The following PCDHGA1 variants were observed in gnomAD, a reference collection of about 807,000 sequenced individuals.
PCDHGA1 encodes protocadherin gamma subfamily A, 1, also known as protocadherin gamma-A1.
A neutral mutation model predicts 58.0 loss-of-function variants in PCDHGA1; 32 were observed. That is an observed-to-expected ratio of 0.55 (90% CI 0.42 to 0.74). The LOEUF is 0.74. PCDHGA1 is among the 30% of genes least tolerant of loss of function. The pLI is 0.00. For missense variants in PCDHGA1, 1,205 were observed against 1,182.3 expected (o/e 1.02, Z -0.28); for synonymous variants, 498 against 501.1 (o/e 0.99, Z 0.08).
At chr5:141,414,231 C>T (rs2095722548) in intron 1 of PCDHGA1, 1 of 1,613,304 alleles carries the variant, frequency 6.2e-7, no homozygotes, top group South Asian at 1.1e-5. Flanking sequence ...CAGAGCTGAC[C>T]ATCACGTCTC....
chr5:141,350,304 T>A, intron 1 of PCDHGA1: 1 of 1,521,476 alleles, frequency 6.6e-7, no homozygotes, highest in Non-Finnish European at 8.8e-7. Flanking sequence ...AGTCAGGTAC[T>A]GTTTCCCTTC....
chr5:141,346,503 G>A lies in PCDHGA1; in HGVS notation c.2421+13398G>A, dbSNP rs1757762785. The A allele has an allele frequency of 1.9e-6, 3 of 1,610,358 alleles. No homozygotes were observed. The South Asian group carries it at 3.3e-5, about 18-fold the overall frequency. ...GATTATTAAGAACAAATATGAGAAT[G>A]TGGTTATTATAAAGCTTTAACACAT... is the stretch of plus-strand genomic sequence containing the variant. On this transcript the variant is annotated intron_variant, in intron 1 of 3. Coordinates refer to ENST00000517417, the MANE Select transcript of PCDHGA1 (RefSeq NM_018912.3).
At chr5:141,358,065 C>T (rs1461000215) in intron 1 of PCDHGA1, among the ~76,000 whole-genome samples, 5 of 152,092 alleles carry the variant, frequency 3.3e-5, no homozygotes, top group African/African-American at 1.2e-4. Flanking sequence ...TGGTGTGTGC[C>T]CGTAGTCCCA....
chr5:141,362,073 G>A (rs1762314491), intron 1 of PCDHGA1: 2 of 1,612,872 alleles, frequency 1.2e-6, no homozygotes, highest in Non-Finnish European at 8.5e-7. Context: ...TGGTCGCTGT[G>A]CGTGATGGAG....
rs1423639578 is a variant in PCDHGA1, at chr5:141,383,107, G to T, written c.2421+50002G>T. The T allele has an allele frequency of 3.1e-6, 5 of 1,613,914 alleles. No individual in the cohort carries two copies. In the East Asian group the frequency reaches 6.7e-5, roughly 22 times the overall value. Reference sequence around the variant, plus strand: ...GCGCGGAGTCCGCATCATCTCCAGAGGTAGGACGCAGCTTTTCGCCCTGAA... The same window carrying T: ...GCGCGGAGTCCGCATCATCTCCAGATGTAGGACGCAGCTTTTCGCCCTGAA... On this transcript the variant is annotated intron_variant, in intron 1 of 3. Coordinates refer to ENST00000517417, the MANE Select transcript of PCDHGA1 (RefSeq NM_018912.3).
chr5:141,400,368 C>T lies in PCDHGA1; in HGVS notation c.2421+67263C>T. On this transcript the variant is annotated intron_variant, in intron 1 of 3. Coordinates refer to ENST00000517417, the MANE Select transcript of PCDHGA1 (RefSeq NM_018912.3). ...ACAGTCAGGGGACTTTGCCTTATTC[C>T]TACAACCTATGTGTTGCACATACAG... is the stretch of plus-strand genomic sequence containing the variant. 8.1e-6 allele frequency: 13 copies of T among 1,614,044 alleles called. No homozygotes were observed. The highest frequency in any genetic ancestry group is 1.6e-4 in the Middle Eastern group (1 of 6,062).
At chr5:141,441,655 C>A in intron 1 of PCDHGA1, 1 of 247,430 alleles carries the variant, frequency 4.0e-6, no homozygotes. Context: ...TTCTAGGTGT[C>A]CTTGAGCGCA....
Position 141,477,312 on chromosome 5 carries a change from TTACTTC to T in PCDHGA1, c.2422-17493_2422-17488del, listed in dbSNP as rs773034406. Reference sequence around the variant, plus strand: ...GTTCCACCGGGTCTCCCTTTCAGCCTTACTTCTTCCCTCAAGAATTACTTCACTTTG... The same window carrying T: ...GTTCCACCGGGTCTCCCTTTCAGCCTTTCCCTCAAGAATTACTTCACTTTG... On this transcript the variant is annotated intron_variant, in intron 1 of 3. Coordinates refer to ENST00000517417, the MANE Select transcript of PCDHGA1 (RefSeq NM_018912.3). The surrounding 1 kb of genome is among the most constrained non-coding windows in gnomAD (Gnocchi z 4.9). The T allele has an allele frequency of 2.5e-6, 4 of 1,614,162 alleles. No homozygotes were observed. Among genetic ancestry groups the T allele is most frequent in the Non-Finnish European group, 3.4e-6 (4 of 1,180,032 alleles).
intron 3 of PCDHGA1, among the ~76,000 whole-genome samples, chr5:141,509,419 T>C (rs2154594533): frequency 6.6e-6 from 1 of 152,216 alleles, no homozygotes; most frequent in South Asian, 2.1e-4. Flanking sequence ...CGAGCCCCAA[T>C]GAGTCAAACT....
At chr5:141,439,531 G>A (rs1474855779) in intron 1 of PCDHGA1, among the ~76,000 whole-genome samples, 5 of 152,126 alleles carry the variant, frequency 3.3e-5, no homozygotes, top group Admixed American at 3.3e-4. Flanking sequence ...TCTACAGAAC[G>A]CTGTCCTCTC....
intron 2 of PCDHGA1, among the ~76,000 whole-genome samples, chr5:141,503,340 T>A (rs1394172617): frequency 6.6e-6 from 1 of 152,064 alleles, no homozygotes; most frequent in African/African-American, 2.4e-5. Flanking sequence ...CTCACGCCTG[T>A]AATTCCAGCA....
At chr5:141,419,542 G>C (rs771168003) in intron 1 of PCDHGA1, 3 of 1,612,016 alleles carry the variant, frequency 1.9e-6, no homozygotes, top group South Asian at 2.2e-5. Flanking sequence ...ACGCACCGCG[G>C]GTGCTGTACC....
intron 1 of PCDHGA1, chr5:141,357,069 A>G (rs777295000): frequency 3.1e-6 from 5 of 1,613,964 alleles, no homozygotes; most frequent in Non-Finnish European, 4.2e-6. Context: ...GGCTGCACAC[A>G]GGCGAGGTGC....
rs780502910 is a variant in PCDHGA1, at chr5:141,351,486, AG to A, written c.2421+18382del. 4 of 1,613,982 alleles carry A rather than the reference AG, an allele frequency of 2.5e-6. No homozygotes were observed. The South Asian group carries it at 4.4e-5, about 18-fold the overall frequency. ...GTGATTGCTGGAGCCCTAAACCGGG[AG>A]CAGACAGCAGACTACAACGTCACAA... On this transcript the variant is annotated intron_variant, in intron 1 of 3. Coordinates refer to ENST00000517417, the MANE Select transcript of PCDHGA1 (RefSeq NM_018912.3).
intron 1 of PCDHGA1, chr5:141,413,386 GTC>G: frequency 6.2e-7 from 1 of 1,614,002 alleles, no homozygotes; most frequent in Non-Finnish European, 8.5e-7. Context: ...AGTCCGCATA[GTC>G]TCCAGAGGTA....
At position 141,431,338 on chromosome 5, in the gene PCDHGA1, A is replaced by G; in HGVS notation, c.2422-63469A>G. On this transcript the variant is annotated intron_variant, in intron 1 of 3. Transcript: ENST00000517417. This position sits in a 1 kb window ranked among gnomAD's most constrained non-coding sequence, Gnocchi z 4.8. ...GAGCCGACGGTAGTAAGTACCCCGA[A>G]TTGGTGCTGAAACGCGCCCTGGACC... 1 of 1,614,068 alleles carries G rather than the reference A, an allele frequency of 6.2e-7. No homozygotes were observed. The highest frequency in any genetic ancestry group is 8.5e-7 in the Non-Finnish European group (1 of 1,180,032).
At position 141,345,668 on chromosome 5, in the gene PCDHGA1, C is replaced by T. The variant is rs894732912; in HGVS notation, c.2421+12563C>T. On this transcript the variant is annotated intron_variant, in intron 1 of 3. Transcript: ENST00000517417. ...GCGGGAACCCTCCACTCAGCAGCAA[C>T]GTGTCGCTGAACCTGTTCGTGCTGG... The T allele has an allele frequency of 3.7e-6, 6 of 1,614,210 alleles. No homozygotes were observed. In the South Asian group the frequency reaches 5.5e-5, roughly 15 times the overall value.
chr5:141,418,586 A>C lies in PCDHGA1; in HGVS notation c.2422-76221A>C, dbSNP rs1422171892. ...TGCCAATGACAACCCCCCAGTGTTC[A>C]GCCAGGACGTGTACAGGGTTAGCCT... On this transcript the variant is annotated intron_variant, in intron 1 of 3. Transcript: ENST00000517417. The C allele has an allele frequency of 1.9e-6, 3 of 1,613,930 alleles. No individual in the cohort carries two copies. In the Admixed American group the frequency reaches 5.0e-5, roughly 27 times the overall value.
chr5:141,332,814 G>T lies in PCDHGA1; in HGVS notation c.2130G>T (p.Val710=), dbSNP rs1756429518. 1 of 1,614,080 alleles carries T rather than the reference G, an allele frequency of 6.2e-7. No homozygotes were observed. The highest frequency in any genetic ancestry group is 8.5e-7 in the Non-Finnish European group (1 of 1,180,044). The change falls in exon 1 of 4, where the codon GTG becomes GTT. Residue 710 remains valine, a synonymous_variant. Transcript: ENST00000517417. This position sits in a 1 kb window ranked among gnomAD's most constrained non-coding sequence, Gnocchi z 4.6. ...VSCVFLAFVI[V]LLAHRLRRWH... ...GCGTCTTCCTGGCCTTCGTCATCGT[G>T]CTGCTGGCGCACAGGCTGCGGCGCT...
Sources: gnomAD v4.1 joint callset for allele counts (sites outside exome capture counted in the v4.1 genomes callset) on GRCh38, gnomAD v4.1.1 for gene constraint, Gnocchi (gnomAD v3.1) non-coding constraint, MANE v1.5 for transcripts, NCBI Gene and HGNC (gene_info 2026-07-23, HGNC 2026-07-21) for gene names.